Variants in PTPRD observed in about 807,000 individuals in gnomAD.
PTPRD encodes the protein protein tyrosine phosphatase receptor type D.
In PTPRD, 34 loss-of-function variants were observed where a neutral mutation model predicts 214.5. The observed-to-expected ratio is 0.16, with a 90% confidence interval of 0.12 to 0.21. The LOEUF is 0.21. Ranked by LOEUF, PTPRD falls within the 10% of genes least tolerant of loss-of-function variation. The pLI, the probability that PTPRD is intolerant of heterozygous loss-of-function variation, is 1.00. For missense variants in PTPRD, 2,545 were observed against 2,398.7 expected, an observed-to-expected ratio of 1.06 and a Z score of -1.27; for synonymous variants, 1,128 against 845.7, an observed-to-expected ratio of 1.33 and a Z score of -5.79.
chr9:10,055,092 G>T (rs35202310), intron 3 of PTPRD, among the ~76,000 whole-genome samples: 9,416 of 152,170 alleles, frequency 0.062, 348 homozygotes, highest in Non-Finnish European at 0.076. Flanking sequence ...GCAAGTTGAA[G>T]AGGGCCTTCA....
intron 3 of PTPRD, among the ~76,000 whole-genome samples, chr9:10,121,779 G>C (rs1192722935): frequency 2.6e-5 from 4 of 152,044 alleles, no homozygotes; most frequent in African/African-American, 9.7e-5. Context: ...ACCCTTTGTA[G>C]GTACCATCCT....
chr9:9,717,978 C>A (rs563194300), intron 7 of PTPRD, among the ~76,000 whole-genome samples: 1 of 152,084 alleles, frequency 6.6e-6, no homozygotes, highest in Admixed American at 6.5e-5. Flanking sequence ...AAATTCAAAT[C>A]ATCCTCAGCT....
intron 5 of PTPRD, among the ~76,000 whole-genome samples, chr9:9,867,564 G>A (rs80172396): frequency 0.084 from 12,704 of 152,042 alleles, 1,257 homozygotes; most frequent in African/African-American, 0.24. Flanking sequence ...CCTCATAAAT[G>A]TGACCAGTTG....
intron 5 of PTPRD, among the ~76,000 whole-genome samples, chr9:9,906,656 T>TAATC (rs1360247307): frequency 6.6e-6 from 1 of 151,986 alleles, no homozygotes; most frequent in Non-Finnish European, 1.5e-5. Context: ...ACCTATCATA[T>TAATC]AATCAGCATT....
chr9:10,358,344 A>C (rs2097315259), intron 2 of PTPRD, among the ~76,000 whole-genome samples: 1 of 152,034 alleles, frequency 6.6e-6, no homozygotes, highest in Non-Finnish European at 1.5e-5. Flanking sequence ...ATTTGGGAAT[A>C]AAGATAGCAA....
rs551205020 is a variant in PTPRD at position 8,517,925 on chromosome 9, G to C, written c.1466C>G (p.Ser489Cys). Residue 489 changes from serine (S) to cysteine (C), a missense_variant, in exon 21 of 46, where the codon TCT becomes TGT. Coordinates refer to ENST00000381196, the MANE Select transcript of PTPRD (RefSeq NM_002839.4). ...TGAGGTAAAAGCCAGGACTTTGACA[G>C]AATATGTTTTCTGGGGCACTAAGTT... Reference protein sequence around the residue: ...IGNLVPQKTYSVKVLAFTSIG... With the variant: ...IGNLVPQKTYCVKVLAFTSIG... 1.9e-6 allele frequency: 3 copies of C among 1,614,148 alleles called. No homozygotes were observed. In the South Asian group the frequency reaches 3.3e-5, roughly 18 times the overall value.
chr9:9,006,399 A>C (rs2099467150), intron 11 of PTPRD, among the ~76,000 whole-genome samples: 1 of 152,224 alleles, frequency 6.6e-6, no homozygotes, highest in African/African-American at 2.4e-5. Context: ...TATTTATGTT[A>C]AGGAATAGAC....
intron 11 of PTPRD, among the ~76,000 whole-genome samples, chr9:9,016,263 C>T (rs1417879346): frequency 6.6e-6 from 1 of 152,084 alleles, no homozygotes; most frequent in Non-Finnish European, 1.5e-5. Context: ...AATTTTCCCC[C>T]AAATAGTTGC....
rs189299271 is a variant in PTPRD at position 8,685,961 on chromosome 9, G to A, written c.64+47819C>T. On this transcript the variant is annotated intron_variant, in intron 12 of 45. Coordinates refer to ENST00000381196, the MANE Select transcript of PTPRD (RefSeq NM_002839.4). The stretch of plus-strand genomic sequence containing the variant: ...AATTCTAGTTTCAGCTGCTTTCAGC[G>A]GCTCATTTTGAGAAACATCTGTCCA... Among the ~76,000 whole-genome samples the A allele has an allele frequency of 4.8e-3, 732 of 152,260 alleles. 8 individuals carry two copies. Among genetic ancestry groups the A allele is most frequent in the African/African-American group, 0.017 (691 of 41,562 alleles).
intron 10 of PTPRD, among the ~76,000 whole-genome samples, chr9:9,079,112 A>G (rs1238012684): frequency 2.0e-5 from 3 of 152,072 alleles, no homozygotes; most frequent in Non-Finnish European, 4.4e-5. Flanking sequence ...ACTGTTAACT[A>G]TGGTCATCCT....
At chr9:10,394,963 T>G (rs1013222703) in intron 2 of PTPRD, among the ~76,000 whole-genome samples, 1 of 148,454 alleles carries the variant, frequency 6.7e-6, no homozygotes, top group Non-Finnish European at 1.5e-5. Context: ...TTTTCTTTTT[T>G]TTTTTTTTTT....
At chr9:9,450,270 T>C (rs141927669) in intron 8 of PTPRD, among the ~76,000 whole-genome samples, 146 of 152,158 alleles carry the variant, frequency 9.6e-4, no homozygotes, top group African/African-American at 3.4e-3. Flanking sequence ...TCTTTTCCTC[T>C]GGGCAGATAC....
At chr9:8,918,169 C>A (rs1412693026) in intron 11 of PTPRD, among the ~76,000 whole-genome samples, 1 of 152,144 alleles carries the variant, frequency 6.6e-6, no homozygotes, top group East Asian at 1.9e-4. Flanking sequence ...TTCCTCCATG[C>A]TCAATCACAC....
At chr9:8,373,842 A>G (rs200591004) in intron 39 of PTPRD, among the ~76,000 whole-genome samples, 20,271 of 105,744 alleles carry the variant, frequency 0.19, 2,120 homozygotes, top group Admixed American at 0.4. Flanking sequence ...GTATGTATGT[A>G]TGTATGTGTA....
At chr9:10,512,579 T>C (rs1007523220) in intron 2 of PTPRD, among the ~76,000 whole-genome samples, 2 of 152,136 alleles carry the variant, frequency 1.3e-5, no homozygotes, top group Non-Finnish European at 1.5e-5. Context: ...GCAATCAAAG[T>C]TGAACGCACA....
chr9:8,618,377 G>T (rs945484829), intron 14 of PTPRD, among the ~76,000 whole-genome samples: 1 of 151,978 alleles, frequency 6.6e-6, no homozygotes. Flanking sequence ...TCTATCAACT[G>T]GTAATATTCA....
chr9:9,797,714 C>G (rs2099012079), intron 5 of PTPRD, among the ~76,000 whole-genome samples: 1 of 151,418 alleles, frequency 6.6e-6, no homozygotes, highest in African/African-American at 2.4e-5. Flanking sequence ...GGACTTGTGG[C>G]AGGCACCTGT....
At chr9:8,455,649 A>G (rs543133869) in intron 33 of PTPRD, among the ~76,000 whole-genome samples, 2 of 152,354 alleles carry the variant, frequency 1.3e-5, no homozygotes, top group South Asian at 2.1e-4. Context: ...AAACACACAC[A>G]TACAAAGTAA....
intron 5 of PTPRD, among the ~76,000 whole-genome samples, chr9:9,797,429 A>G (rs915720632): frequency 1.3e-5 from 2 of 152,062 alleles, no homozygotes; most frequent in African/African-American, 2.4e-5. Flanking sequence ...AGTAGTTAAG[A>G]TTAGAAGGTT....
Sources: allele counts gnomAD v4.1 joint callset (sites outside exome capture counted in the v4.1 genomes callset), GRCh38; gene constraint gnomAD v4.1.1; transcripts MANE v1.5; gene names NCBI Gene and HGNC (gene_info 2026-07-23, HGNC 2026-07-21).